Variants in PEX19 observed in about 807,000 individuals in gnomAD.
The protein encoded by PEX19 is 33 kDa housekeeping protein.
A neutral mutation model predicts 36.3 loss-of-function variants in PEX19; 29 were observed. The observed-to-expected ratio is 0.80, with a 90% CI of 0.60 to 1.09. PEX19 has a LOEUF of 1.09. Among genes scored for constraint, PEX19 ranks in the 50% least tolerant of loss-of-function variants. PEX19 has a pLI of 0.00. For missense variants in PEX19, 396 were observed against 368.1 expected (o/e 1.08, Z -0.62); for synonymous variants, 141 against 135.2 (o/e 1.04, Z -0.30).
intron 5 of PEX19, 37 bp from the exon 6 acceptor site, chr1:160,280,283 G>A: frequency 1.3e-6 from 2 of 1,559,368 alleles, no homozygotes; most frequent in Non-Finnish European, 1.8e-6. Context: ...AGAATTAAGT[G>A]AACAATGGAT....
chr1:160,283,680 T>C lies in PEX19; in HGVS notation c.71-41A>G, dbSNP rs373768899. 5.1e-4 allele frequency: 748 copies of C among 1,463,536 alleles called. 2 individuals carry two copies. Among genetic ancestry groups the C allele is most frequent in the Non-Finnish European group, 5.8e-4 (600 of 1,042,808 alleles). 90.7% of individuals were successfully genotyped at this position (1,463,536 alleles called of 1,614,324 possible). On this transcript the variant is annotated intron_variant, in intron 1 of 7. Coordinates refer to ENST00000368072, the MANE Select transcript of PEX19 (RefSeq NM_002857.4). ...ACATGGTGTGTGTGTTGGCGACAGATGAGAATGCAAGCAAGGCTGGGTGGT... is the reference window on the plus strand; with the variant it reads ...ACATGGTGTGTGTGTTGGCGACAGACGAGAATGCAAGCAAGGCTGGGTGGT...
chr1:160,283,111 T>C lies in PEX19; in HGVS notation c.181-2A>G, dbSNP rs2101804905. 6.2e-7 allele frequency: 1 copy of C among 1,613,238 alleles called. No individual in the cohort carries two copies. ...CTCTTGGGAAGCGAAGAGGGCATCCTGCGGGGGAAGGATGGCTGAAATGCG... is the reference window on the plus strand; with the variant it reads ...CTCTTGGGAAGCGAAGAGGGCATCCCGCGGGGGAAGGATGGCTGAAATGCG... On this transcript the variant is annotated splice_acceptor_variant, in intron 2 of 7. Transcript: ENST00000368072. LOFTEE classifies it high-confidence loss of function.
chr1:160,277,701 CAGA>C lies in PEX19; in HGVS notation c.*1847_*1849del, dbSNP rs1180705913. On this transcript the variant is annotated 3_prime_UTR_variant, in exon 8 of 8. Coordinates refer to ENST00000368072, the MANE Select transcript of PEX19 (RefSeq NM_002857.4). The stretch of plus-strand genomic sequence containing the variant: ...AATCTGTAAAAGAAAACTGGTAGGA[CAGA>C]AGGCACAAGGTTCATAGAGAAGGGC... 1 of 456,502 alleles carries C rather than the reference CAGA, an allele frequency of 2.2e-6. No homozygotes were observed. The highest frequency in any genetic ancestry group is 4.4e-6 in the Non-Finnish European group (1 of 228,582). The allele number at this position is 456,502 out of a possible 1,614,324, so 28.3% of individuals were successfully genotyped here.
chr1:160,278,465 A>G lies in PEX19; in HGVS notation c.*1086T>C. On this transcript the variant is annotated 3_prime_UTR_variant, in exon 8 of 8. Transcript: ENST00000368072. ...CAACTTACGGAAGCTGAGGAAGATC[A>G]GAAAAAGACCACACTCCTCACTCAG... is the stretch of plus-strand genomic sequence containing the variant. The G allele has an allele frequency of 1.8e-6, 1 of 550,306 alleles. No homozygotes were observed. Among genetic ancestry groups the G allele is most frequent in the South Asian group, 1.5e-5 (1 of 65,340 alleles). 34.1% of individuals were successfully genotyped at this position (550,306 alleles called of 1,614,324 possible).
intron 2 of PEX19, 132 bp downstream of exon 2, chr1:160,283,398 G>A: frequency 2.9e-6 from 2 of 684,930 alleles, no homozygotes; most frequent in Non-Finnish European, 5.0e-6. Flanking sequence ...ACTGAGGCTG[G>A]CAAGAGCACT....
chr1:160,279,006 C>T lies in PEX19; in HGVS notation c.*545G>A, dbSNP rs756954585. ...CTCTATTGTGATTAGATGCAAAAGC[C>T]CTTTCCCTTTAGAGAATTCAGAATG... On this transcript the variant is annotated 3_prime_UTR_variant, in exon 8 of 8. Coordinates refer to ENST00000368072, the MANE Select transcript of PEX19 (RefSeq NM_002857.4). The T allele has an allele frequency of 2.2e-6, 1 of 454,160 alleles. No homozygotes were observed. Among genetic ancestry groups the T allele is most frequent in the Non-Finnish European group, 4.4e-6 (1 of 226,812 alleles). 28.1% of individuals were successfully genotyped at this position (454,160 alleles called of 1,614,324 possible).
In PEX19 at chr1:160,278,715, C is replaced by A. The variant is rs550798724; in HGVS notation, c.*836G>T. ...AGGAAGACGGGGAGTCAGTGAGAAT[C>A]GTAAATGGACTAGATGAGGGGAAAT... is the stretch of plus-strand genomic sequence containing the variant. On this transcript the variant is annotated 3_prime_UTR_variant, in exon 8 of 8. Transcript: ENST00000368072. 3 of 454,018 alleles carry A rather than the reference C, an allele frequency of 6.6e-6. No homozygotes were observed. The highest frequency in any genetic ancestry group is 1.6e-5 in the South Asian group (1 of 64,476). 28.1% of individuals were successfully genotyped at this position (454,018 alleles called of 1,614,324 possible). A position where few individuals can be genotyped will look rare whatever the true frequency, so the allele number is the denominator to read the frequency against.
chr1:160,283,623 G>T lies in PEX19; in HGVS notation c.87C>A (p.Phe29Leu), dbSNP rs141911166. ...EELLESALDDFDKAKPSPAPP... is the reference protein window; with the variant it reads ...EELLESALDDLDKAKPSPAPP... ...GTGCTGGGGAGGGTTTGGCTTTATC[G>T]AAATCATCAAGAGCACCTTCAGAGA... Residue 29 changes from phenylalanine to leucine, a missense_variant, in exon 2 of 8, where the codon TTC (phenylalanine) becomes TTA (leucine). By Grantham distance (22) the Phe-to-Leu change is conservative. Coordinates refer to ENST00000368072, the MANE Select transcript of PEX19 (RefSeq NM_002857.4). 6.2e-7 allele frequency: 1 copy of T among 1,613,844 alleles called. No individual in the cohort carries two copies.
chr1:160,284,442 C>A (rs1557855947), intron 1 of PEX19, among the ~76,000 whole-genome samples: 1 of 152,136 alleles, frequency 6.6e-6, no homozygotes, highest in South Asian at 2.1e-4. Flanking sequence ...GAGAGTAATG[C>A]TAAGAAAACA....
In PEX19 at chr1:160,279,656, T is replaced by G. The variant is rs1461516805; in HGVS notation, c.817-22A>C. ...GAGGCTGGGGAAGAGATGAAGGGACTCAGATAGTTGCTCATTTTTTAGGAC... is the reference window on the plus strand; with the variant it reads ...GAGGCTGGGGAAGAGATGAAGGGACGCAGATAGTTGCTCATTTTTTAGGAC... On this transcript the variant is annotated intron_variant, in intron 7 of 7. Transcript: ENST00000368072. The G allele has an allele frequency of 1.9e-6, 3 of 1,602,994 alleles. No homozygotes were observed. The African/African-American group carries it at 4.0e-5, about 21-fold the overall frequency.
At chr1:160,283,719 AT>A in intron 1 of PEX19, 80 bp from the exon 2 acceptor site, 1 of 1,127,396 alleles carries the variant, frequency 8.9e-7, no homozygotes, top group Non-Finnish European at 1.3e-6. Flanking sequence ...TGGGCAAAGC[AT>A]TAGGAATATG....
Position 160,277,781 on chromosome 1 carries a change from C to T in PEX19, c.*1770G>A, listed in dbSNP as rs1221042105. On this transcript the variant is annotated 3_prime_UTR_variant, in exon 8 of 8. Transcript: ENST00000368072. Reference sequence around the variant, plus strand: ...ATCCTTGTCCAGTTTTTGGCTGGAGCTTTAAGGAGAAAATAGTGACACTGA... The same window carrying T: ...ATCCTTGTCCAGTTTTTGGCTGGAGTTTTAAGGAGAAAATAGTGACACTGA... 4.1e-6 allele frequency: 2 copies of T among 482,908 alleles called. No individual in the cohort carries two copies. The highest frequency in any genetic ancestry group is 8.1e-6 in the Non-Finnish European group (2 of 246,660). The allele number at this position is 482,908 out of a possible 1,614,324, so 29.9% of individuals were successfully genotyped here.
At chr1:160,279,691 G>A in intron 7 of PEX19, 57 bp from the exon 8 acceptor site, 1 of 1,545,244 alleles carries the variant, frequency 6.5e-7, no homozygotes, top group Non-Finnish European at 8.9e-7. Context: ...CAGACGTGAA[G>A]ATCCATCCCC....
intron 1 of PEX19, chr1:160,284,066 G>A (rs114091045): frequency 0.012 from 5,578 of 471,872 alleles, 259 homozygotes; most frequent in African/African-American, 0.1. Flanking sequence ...TGGTGAGAAA[G>A]CACAGGACAT....
At chr1:160,282,312 C>T in intron 4 of PEX19, 105 bp downstream of exon 4, 1 of 1,426,230 alleles carries the variant, frequency 7.0e-7, no homozygotes, top group South Asian at 1.1e-5. Flanking sequence ...AACAATAAGA[C>T]AGCAACAGAC....
At position 160,279,450 on chromosome 1, in the gene PEX19, G is replaced by C; in HGVS notation, c.*101C>G. On this transcript the variant is annotated 3_prime_UTR_variant, in exon 8 of 8. Coordinates refer to ENST00000368072, the MANE Select transcript of PEX19 (RefSeq NM_002857.4). ...ATGGGATGACAGAGGGCAGCGGGCA[G>C]ACTTCTCCCGCAGGTGACACTCCTG... 1.1e-6 allele frequency: 1 copy of C among 947,636 alleles called. No homozygotes were observed. Among genetic ancestry groups the C allele is most frequent in the South Asian group, 1.3e-5 (1 of 77,046 alleles). The allele number at this position is 947,636 out of a possible 1,614,324, so 58.7% of individuals were successfully genotyped here.
In PEX19 at chr1:160,277,218, G is replaced by A. The variant is rs1557851483; in HGVS notation, c.*2333C>T. On this transcript the variant is annotated 3_prime_UTR_variant, in exon 8 of 8. Coordinates refer to ENST00000368072, the MANE Select transcript of PEX19 (RefSeq NM_002857.4). ...GAACACCTTTTTTTTTTTTTCACCA[G>A]TCTGTGACATGGTGAATTAGAAATT... 1 of 449,424 alleles carries A rather than the reference G, an allele frequency of 2.2e-6. No individual in the cohort carries two copies. The highest frequency in any genetic ancestry group is 7.0e-5 in the East Asian group (1 of 14,330). 27.8% of individuals were successfully genotyped at this position (449,424 alleles called of 1,614,324 possible).
intron 3 of PEX19, 68 bp from the exon 4 acceptor site, chr1:160,282,570 C>G (rs563749551): frequency 8.4e-7 from 1 of 1,196,508 alleles, no homozygotes; most frequent in East Asian, 2.3e-5. Flanking sequence ...AACTGGTTAA[C>G]AGCTTGGATA....
rs146340199 is a variant in PEX19 at position 160,283,634 on chromosome 1, G to T, written c.76C>A (p.Leu26Ile). The T allele has an allele frequency of 3.1e-6, 5 of 1,612,376 alleles. No homozygotes were observed. The highest frequency in any genetic ancestry group is 1.3e-5 in the African/African-American group (1 of 74,900). ...GGTTTGGCTTTATCGAAATCATCAA[G>T]AGCACCTTCAGAGACAAGAGACATG... ...RELEELLESA[L>I]DDFDKAKPSP... Residue 26 changes from leucine to isoleucine, a missense_variant, in exon 2 of 8, where the codon CTT becomes ATT. Coordinates refer to ENST00000368072, the MANE Select transcript of PEX19 (RefSeq NM_002857.4).
Sources: allele counts gnomAD v4.1 joint callset (sites outside exome capture counted in the v4.1 genomes callset), GRCh38; gene constraint gnomAD v4.1.1; transcripts MANE v1.5; gene names NCBI Gene and HGNC (gene_info 2026-07-23, HGNC 2026-07-21).